SEMA5A: variants seen among roughly 807,000 people sequenced by gnomAD.
SEMA5A encodes semaphorin 5A.
A neutral mutation model predicts 135.5 loss-of-function variants in SEMA5A; 55 were observed. That is an observed-to-expected ratio of 0.41 (90% CI 0.33 to 0.51). The LOEUF is 0.51. Among genes scored for constraint, SEMA5A ranks in the 20% least tolerant of loss-of-function variants. SEMA5A has a pLI of 0.37. For synonymous variants in SEMA5A, 580 were observed against 546.5 expected, an observed-to-expected ratio of 1.06 and a Z score of -0.85; for missense variants, 1,290 against 1,419.9, an observed-to-expected ratio of 0.91 and a Z score of 1.47.
intron 9 of SEMA5A, among the ~76,000 whole-genome samples, chr5:9,197,634 C>T (rs978812069): frequency 3.3e-5 from 5 of 152,046 alleles, no homozygotes; most frequent in East Asian, 1.9e-4. Flanking sequence ...AAAAAGACTT[C>T]CTTCTCCAAC....
chr5:9,396,237 C>A (rs72727288), intron 2 of SEMA5A, among the ~76,000 whole-genome samples: 1 of 129,466 alleles, frequency 7.7e-6, no homozygotes, highest in South Asian at 2.7e-4. Context: ...TGATTTAATG[C>A]GCGTGCGTGC....
chr5:9,328,521 G>GTAATCCTAGCA (rs1254129966), intron 4 of SEMA5A, among the ~76,000 whole-genome samples: 1 of 152,180 alleles, frequency 6.6e-6, no homozygotes, highest in Non-Finnish European at 1.5e-5. Flanking sequence ...GCTCATGCCT[G>GTAATCCTAGCA]TAATCCTAGC....
intron 1 of SEMA5A, among the ~76,000 whole-genome samples, chr5:9,476,254 C>A (rs991240164): frequency 6.6e-6 from 1 of 152,088 alleles, no homozygotes; most frequent in Non-Finnish European, 1.5e-5. Context: ...CAAGATAAAT[C>A]CCCAGAAGTG....
chr5:9,165,174 A>C (rs919707084), intron 11 of SEMA5A, among the ~76,000 whole-genome samples: 9 of 152,196 alleles, frequency 5.9e-5, no homozygotes, highest in Admixed American at 2.6e-4. Flanking sequence ...ACAGCAGCCC[A>C]AAACACTTCC....
chr5:9,282,199 T>C (rs1259323949), intron 5 of SEMA5A, among the ~76,000 whole-genome samples: 1 of 152,082 alleles, frequency 6.6e-6, no homozygotes, highest in Non-Finnish European at 1.5e-5. Context: ...TTAGTTCAAA[T>C]CTTGGAGCAA....
intron 2 of SEMA5A, among the ~76,000 whole-genome samples, chr5:9,400,274 A>G: frequency 6.6e-6 from 1 of 152,202 alleles, no homozygotes; most frequent in East Asian, 1.9e-4. Flanking sequence ...ATGTATACCT[A>G]TGTAACAAGC....
chr5:9,132,216 T>C (rs1741476663), intron 13 of SEMA5A, among the ~76,000 whole-genome samples: 1 of 152,140 alleles, frequency 6.6e-6, no homozygotes, highest in Non-Finnish European at 1.5e-5. Flanking sequence ...AGTCCCTAAT[T>C]CCCTAGAAAT....
intron 1 of SEMA5A, among the ~76,000 whole-genome samples, chr5:9,532,302 A>G (rs1481632521): frequency 2.0e-5 from 3 of 151,674 alleles, no homozygotes; most frequent in East Asian, 3.9e-4. Flanking sequence ...GTCTCGCTCT[A>G]TCGCCCAGGC....
chr5:9,111,949 G>GT (rs3836912), intron 15 of SEMA5A, among the ~76,000 whole-genome samples: 17,648 of 152,000 alleles, frequency 0.12, 1,568 homozygotes, highest in East Asian at 0.32. Context: ...CTGGTTAAGG[G>GT]TTTTAAAATT....
chr5:9,088,659 T>TATATATATATATATATATATACACACAC, intron 16 of SEMA5A, among the ~76,000 whole-genome samples: 75 of 112,790 alleles, frequency 6.6e-4, no homozygotes, highest in African/African-American at 2.9e-3. Flanking sequence ...TATATATATA[T>TATATATATATATATATATATACACACAC]ACACACACAC....
chr5:9,239,116 A>C (rs1748066950), intron 5 of SEMA5A, among the ~76,000 whole-genome samples: 1 of 152,202 alleles, frequency 6.6e-6, no homozygotes, highest in South Asian at 2.1e-4. Context: ...ACAACACTGC[A>C]TCTTGTATAA....
chr5:9,096,206 AG>A (rs1489144847), intron 16 of SEMA5A, among the ~76,000 whole-genome samples: 2 of 152,152 alleles, frequency 1.3e-5, no homozygotes, highest in Non-Finnish European at 2.9e-5. Flanking sequence ...CTGTCCTAAC[AG>A]GTGTACTCAT....
Position 9,466,527 on chromosome 5 carries a change from TAGAG to T in SEMA5A, c.-174-28679_-174-28676del, listed in dbSNP as rs372171196. Among the ~76,000 whole-genome samples, 1,062 of 152,160 alleles carry T rather than the reference TAGAG, an allele frequency of 7.0e-3. 7 individuals are homozygous for T. Among genetic ancestry groups the T allele is most frequent in the Middle Eastern group, 0.014 (4 of 294 alleles). ...TTATGAGATAGAATTTTGTGGCTATTAGAGAGGGGGTTTGAAAAACAAAAGGGTA... is the reference window on the plus strand; with the variant it reads ...TTATGAGATAGAATTTTGTGGCTATTAGGGGGTTTGAAAAACAAAAGGGTA... On this transcript the variant is annotated intron_variant, in intron 1 of 22. Transcript: ENST00000382496.
intron 6 of SEMA5A, among the ~76,000 whole-genome samples, chr5:9,231,344 A>G (rs1747618288): frequency 6.6e-6 from 1 of 151,812 alleles, no homozygotes; most frequent in African/African-American, 2.4e-5. Context: ...CATGCCTGTA[A>G]CCCCAGCTAC....
At chr5:9,156,028 A>G (rs1253665280) in intron 11 of SEMA5A, among the ~76,000 whole-genome samples, 1 of 152,210 alleles carries the variant, frequency 6.6e-6, no homozygotes, top group African/African-American at 2.4e-5. Flanking sequence ...GAAGTATGCT[A>G]TATGCGGGGA....
intron 11 of SEMA5A, among the ~76,000 whole-genome samples, chr5:9,185,299 A>G: frequency 6.6e-6 from 1 of 152,216 alleles, no homozygotes; most frequent in Admixed American, 6.5e-5. Context: ...GAAGAGAAGG[A>G]AACAGAGGTG....
intron 4 of SEMA5A, among the ~76,000 whole-genome samples, chr5:9,322,406 G>C (rs1389993420): frequency 2.0e-5 from 3 of 151,996 alleles, no homozygotes. Flanking sequence ...ATGCTTACTA[G>C]GAAAAATAGC....
chr5:9,237,498 A>G (rs1747973054), intron 6 of SEMA5A, among the ~76,000 whole-genome samples: 3 of 152,216 alleles, frequency 2.0e-5, no homozygotes, highest in Admixed American at 2.0e-4. Flanking sequence ...AAAGTAAGAA[A>G]GGAGGAATTT....
chr5:9,225,419 A>AAG (rs1747246277), intron 7 of SEMA5A, among the ~76,000 whole-genome samples: 2 of 131,996 alleles, frequency 1.5e-5, no homozygotes, highest in Non-Finnish European at 3.2e-5. Flanking sequence ...AAAAAAAAAA[A>AAG]TTAGCCACGC....
Sources: allele counts gnomAD v4.1 joint callset (sites outside exome capture counted in the v4.1 genomes callset), GRCh38; gene constraint gnomAD v4.1.1; transcripts MANE v1.5; gene names NCBI Gene and HGNC (gene_info 2026-07-23, HGNC 2026-07-21).